MBNL2: variants seen among roughly 807,000 people sequenced by gnomAD.
MBNL2 encodes muscleblind-like protein 2.
In MBNL2, 17 loss-of-function variants were observed where a neutral mutation model predicts 41.9. The observed-to-expected ratio is 0.41, with a 90% CI of 0.28 to 0.61. The LOEUF (loss-of-function observed/expected upper bound fraction) is 0.61, where lower values mean the gene tolerates loss of function less well. Among genes scored for constraint, MBNL2 ranks in the 20% least tolerant of loss-of-function variants. The pLI, the probability that MBNL2 is intolerant of heterozygous loss-of-function variation, is 0.35. For missense variants in MBNL2, 336 were observed against 505.6 expected (o/e 0.66, Z 3.22); for synonymous variants, 195 against 182.9 (o/e 1.07, Z -0.53).
At chr13:97,144,173 C>T in the MBNL2 span, among the ~76,000 whole-genome samples, 4 of 151,560 alleles carry the variant, frequency 2.6e-5, no homozygotes, top group Non-Finnish European at 5.9e-5. Flanking sequence ...TGTGGTGCCA[C>T]GTGGAGTGGG....
At chr13:97,293,730 T>G (rs1403314392) in intron 2 of MBNL2, among the ~76,000 whole-genome samples, 1 of 152,218 alleles carries the variant, frequency 6.6e-6, no homozygotes, top group African/African-American at 2.4e-5. Context: ...TCTCGTACCT[T>G]TTTTATGGCT....
the MBNL2 span, among the ~76,000 whole-genome samples, chr13:97,147,474 AT>A: frequency 2.7e-5 from 4 of 149,976 alleles, no homozygotes; most frequent in Admixed American, 6.7e-5. Flanking sequence ...ATCTGGAATG[AT>A]TTTTTTTTTA....
chr13:97,278,299 A>T (rs2052619482), intron 2 of MBNL2, among the ~76,000 whole-genome samples: 1 of 149,782 alleles, frequency 6.7e-6, no homozygotes, highest in Admixed American at 6.6e-5. Context: ...TTAAAACTAG[A>T]TCATAAAAGC....
the MBNL2 span, among the ~76,000 whole-genome samples, chr13:97,194,086 A>G: frequency 1.3e-5 from 2 of 152,228 alleles, no homozygotes; most frequent in Non-Finnish European, 2.9e-5. Flanking sequence ...ATACCTTCTT[A>G]AAGAGGTCTT....
the MBNL2 span, among the ~76,000 whole-genome samples, chr13:97,182,409 C>T: frequency 6.6e-6 from 1 of 152,334 alleles, no homozygotes; most frequent in Non-Finnish European, 1.5e-5. Context: ...CTATGCAATA[C>T]ATATATTAAA....
chr13:97,389,511 AG>A (rs1264603967), intron 8 of MBNL2, among the ~76,000 whole-genome samples: 4 of 152,088 alleles, frequency 2.6e-5, no homozygotes, highest in Non-Finnish European at 5.9e-5. Flanking sequence ...GAGACAAGCC[AG>A]GGCAACACAG....
the MBNL2 span, among the ~76,000 whole-genome samples, chr13:97,182,611 G>T: frequency 7.7e-3 from 1,165 of 152,256 alleles, 16 homozygotes; most frequent in African/African-American, 0.026. Flanking sequence ...TAAGACTTCG[G>T]GTTATCTTCC....
intron 5 of MBNL2, 36 bp from the exon 6 acceptor site, chr13:97,356,760 C>T: frequency 3.0e-6 from 4 of 1,320,520 alleles, no homozygotes; most frequent in Non-Finnish European, 3.1e-6. Flanking sequence ...CCCATTGGCC[C>T]ACTGCCATCA....
At chr13:97,254,522 C>T (rs2047165190) in intron 1 of MBNL2, among the ~76,000 whole-genome samples, 1 of 152,174 alleles carries the variant, frequency 6.6e-6, no homozygotes, top group Non-Finnish European at 1.5e-5. Context: ...AAAATGTCCA[C>T]TGAAAGGCAT....
chr13:97,204,887 G>A, the MBNL2 span, among the ~76,000 whole-genome samples: 11 of 151,984 alleles, frequency 7.2e-5, no homozygotes, highest in African/African-American at 2.7e-4. Context: ...TAGCCTGGCC[G>A]ACATGGTGAA....
At position 97,325,818 on chromosome 13, in the gene MBNL2, C is replaced by T. The variant is rs79507556; in HGVS notation, c.175-8458C>T. Among the ~76,000 whole-genome samples the T allele has an allele frequency of 1.0e-2, 1,519 of 152,296 alleles. 24 individuals carry two copies. The highest frequency in any genetic ancestry group is 0.032 in the African/African-American group (1,331 of 41,576). The stretch of plus-strand genomic sequence containing the variant: ...ATTCACCTACTTTGCCTTTCTTCCT[C>T]ATTTACTAGTTGTTATGCTTTGTTT... On this transcript the variant is annotated intron_variant, in intron 2 of 8. Coordinates refer to ENST00000679496, the MANE Select transcript of MBNL2 (RefSeq NM_001382683.1).
the MBNL2 span, among the ~76,000 whole-genome samples, chr13:97,161,863 T>C: frequency 6.6e-6 from 1 of 152,198 alleles, no homozygotes; most frequent in Non-Finnish European, 1.5e-5. Flanking sequence ...AGTTATTTCT[T>C]ACAAAGATAA....
At chr13:97,331,146 A>G (rs2060402328) in intron 2 of MBNL2, among the ~76,000 whole-genome samples, 1 of 152,260 alleles carries the variant, frequency 6.6e-6, no homozygotes, top group Admixed American at 6.5e-5. Context: ...ATGAAATATC[A>G]TATAGAAACA....
the MBNL2 span, among the ~76,000 whole-genome samples, chr13:97,156,224 G>A: frequency 1.6e-4 from 19 of 116,650 alleles, no homozygotes; most frequent in Admixed American, 4.6e-4. Flanking sequence ...CATGTCCTTC[G>A]CCCACTTTTT....
At chr13:97,319,247 G>A (rs2153037653) in intron 2 of MBNL2, among the ~76,000 whole-genome samples, 2 of 152,308 alleles carry the variant, frequency 1.3e-5, no homozygotes, top group South Asian at 4.1e-4. Flanking sequence ...TTGAAACAGA[G>A]CAGCTGTCTA....
chr13:97,240,783 G>T (rs1020596654), intron 1 of MBNL2, among the ~76,000 whole-genome samples: 2 of 152,144 alleles, frequency 1.3e-5, no homozygotes, highest in Non-Finnish European at 2.9e-5. Flanking sequence ...GAAAACAGGA[G>T]GGCTGGGCTA....
intron 2 of MBNL2, among the ~76,000 whole-genome samples, chr13:97,310,631 G>A (rs541350599): frequency 6.6e-5 from 10 of 151,932 alleles, no homozygotes; most frequent in Admixed American, 1.3e-4. Context: ...GGGTTTCAGC[G>A]TGTTAGCCAG....
At chr13:97,348,404 G>A (rs1183466035) in intron 5 of MBNL2, among the ~76,000 whole-genome samples, 2 of 152,062 alleles carry the variant, frequency 1.3e-5, no homozygotes, top group East Asian at 1.9e-4. Flanking sequence ...CCAATGCATC[G>A]CAAAGCTTGA....
In MBNL2 at chr13:97,343,544, C is replaced by T. The variant is rs561123140; in HGVS notation, c.540+328C>T. Reference sequence around the variant, plus strand: ...AGATGGCTCCAGGTCCTGAAGGCCTCCTCATGTCAAGGTGTAATCCTTGCA... The same window carrying T: ...AGATGGCTCCAGGTCCTGAAGGCCTTCTCATGTCAAGGTGTAATCCTTGCA... On this transcript the variant is annotated intron_variant, in intron 4 of 8. Transcript: ENST00000679496. 3.4e-5 allele frequency among the ~76,000 whole-genome samples: 5 copies of T among 146,848 alleles called. No individual in the cohort carries two copies. In the East Asian group the frequency reaches 6.1e-4, roughly 18 times the overall value.
Sources: gnomAD v4.1 joint callset for allele counts (sites outside exome capture counted in the v4.1 genomes callset) on GRCh38, gnomAD v4.1.1 for gene constraint, MANE v1.5 for transcripts, NCBI Gene and HGNC (gene_info 2026-07-23, HGNC 2026-07-21) for gene names.